Variants in CDKAL1 observed in about 807,000 individuals in gnomAD.
CDKAL1 encodes the protein threonylcarbamoyladenosine tRNA methylthiotransferase.
Under a neutral mutation model 68.2 loss-of-function variants are expected in CDKAL1, and 32 were observed. The observed-to-expected ratio is 0.47, with a 90% confidence interval of 0.35 to 0.63. The LOEUF (loss-of-function observed/expected upper bound fraction) is 0.63. Ranked by LOEUF, CDKAL1 falls within the 30% of genes least tolerant of loss-of-function variation. The pLI, the probability that CDKAL1 is intolerant of heterozygous loss-of-function variation, is 0.00. For missense variants in CDKAL1, 606 were observed against 696.7 expected (o/e 0.87, Z 1.47); for synonymous variants, 234 against 244.3 (o/e 0.96, Z 0.39).
chr6:21,161,645 A>G (rs1000738851), intron 13 of CDKAL1, among the ~76,000 whole-genome samples: 1 of 152,216 alleles, frequency 6.6e-6, no homozygotes, highest in African/African-American at 2.4e-5. Flanking sequence ...ATTTTTAACT[A>G]TACACATAAA....
At chr6:20,912,675 T>G (rs567555748) in intron 9 of CDKAL1, among the ~76,000 whole-genome samples, 1 of 152,166 alleles carries the variant, frequency 6.6e-6, no homozygotes. Context: ...GTGTTAATCT[T>G]TTAACAGAAT....
intron 8 of CDKAL1, among the ~76,000 whole-genome samples, chr6:20,845,838 T>C (rs995794853): frequency 1.3e-5 from 2 of 152,248 alleles, no homozygotes; most frequent in South Asian, 2.1e-4. Flanking sequence ...TTTTAGATAA[T>C]GTGTGATTTG....
At chr6:20,575,509 T>C (rs928532956) in intron 4 of CDKAL1, among the ~76,000 whole-genome samples, 3 of 151,426 alleles carry the variant, frequency 2.0e-5, no homozygotes, top group African/African-American at 7.3e-5. Context: ...TTTAATTTTA[T>C]AACATAGCCA....
chr6:21,200,804 T>C (rs1211143737), intron 14 of CDKAL1: 2 of 199,024 alleles, frequency 1.0e-5, no homozygotes, highest in African/African-American at 4.7e-5. Context: ...TGCAGACCCT[T>C]GAGCAGCTAG....
chr6:21,093,673 C>T (rs1773160175), intron 12 of CDKAL1, among the ~76,000 whole-genome samples: 1 of 145,392 alleles, frequency 6.9e-6, no homozygotes, highest in Admixed American at 6.9e-5. Flanking sequence ...ACATAGATAA[C>T]CAACTGAGCT....
At chr6:20,944,027 A>G (rs1437134072) in intron 9 of CDKAL1, among the ~76,000 whole-genome samples, 1 of 152,224 alleles carries the variant, frequency 6.6e-6, no homozygotes, top group African/African-American at 2.4e-5. Flanking sequence ...GTCTCCATAG[A>G]CAGCCCTCTC....
At chr6:20,952,711 T>A (rs925039319) in intron 9 of CDKAL1, among the ~76,000 whole-genome samples, 3 of 152,216 alleles carry the variant, frequency 2.0e-5, no homozygotes, top group Non-Finnish European at 4.4e-5. Flanking sequence ...TAAGCATGTG[T>A]CCCAATGTGT....
At chr6:21,177,074 T>A (rs562362454) in intron 13 of CDKAL1, among the ~76,000 whole-genome samples, 12 of 152,258 alleles carry the variant, frequency 7.9e-5, no homozygotes, top group Non-Finnish European at 1.6e-4. Context: ...AATCCACAAC[T>A]CTGCTATTCA....
At chr6:20,974,148 CT>C (rs1765729832) in intron 10 of CDKAL1, among the ~76,000 whole-genome samples, 1 of 152,190 alleles carries the variant, frequency 6.6e-6, no homozygotes, top group Non-Finnish European at 1.5e-5. Flanking sequence ...TGCCTTCCCT[CT>C]CTAGGTCTAA....
intron 9 of CDKAL1, among the ~76,000 whole-genome samples, chr6:20,880,623 T>G (rs1212634463): frequency 6.6e-6 from 1 of 152,160 alleles, no homozygotes; most frequent in Non-Finnish European, 1.5e-5. Flanking sequence ...TATATCATAA[T>G]ACTGTTCTTT....
chr6:20,939,191 A>C (rs1452808238), intron 9 of CDKAL1, among the ~76,000 whole-genome samples: 1 of 152,186 alleles, frequency 6.6e-6, no homozygotes, highest in Non-Finnish European at 1.5e-5. Context: ...CACAGTAAAC[A>C]TAATTAGAAG....
At chr6:20,668,482 C>CT (rs1769656483) in intron 5 of CDKAL1, among the ~76,000 whole-genome samples, 2 of 152,124 alleles carry the variant, frequency 1.3e-5, no homozygotes, top group African/African-American at 2.4e-5. Flanking sequence ...CAGGCATGTG[C>CT]TACTGCGCCA....
At chr6:21,198,940 C>T (rs1778577834) in intron 14 of CDKAL1, among the ~76,000 whole-genome samples, 1 of 152,200 alleles carries the variant, frequency 6.6e-6, no homozygotes, top group Non-Finnish European at 1.5e-5. Flanking sequence ...TGGGATACGC[C>T]CTCCTCTCCC....
intron 4 of CDKAL1, among the ~76,000 whole-genome samples, chr6:20,588,820 T>C (rs1171460325): frequency 6.6e-6 from 1 of 152,184 alleles, no homozygotes; most frequent in Non-Finnish European, 1.5e-5. Flanking sequence ...GATATTACAG[T>C]CCTAAAAATG....
intron 4 of CDKAL1, among the ~76,000 whole-genome samples, chr6:20,575,441 C>CAAAAAAAAAAA (rs57442477): frequency 3.2e-5 from 3 of 94,332 alleles, no homozygotes; most frequent in Admixed American, 2.4e-4. Flanking sequence ...AGGGGCACCA[C>CAAAAAAAAAAA]AAAAAAAAAA....
At chr6:21,159,565 G>A (rs1301022383) in intron 13 of CDKAL1, among the ~76,000 whole-genome samples, 1 of 152,224 alleles carries the variant, frequency 6.6e-6, no homozygotes, top group Non-Finnish European at 1.5e-5. Context: ...GTAAGTTCCA[G>A]AAGGGCAGAG....
intron 8 of CDKAL1, among the ~76,000 whole-genome samples, chr6:20,835,299 G>A (rs1777885441): frequency 6.6e-6 from 1 of 152,056 alleles, no homozygotes; most frequent in African/African-American, 2.4e-5. Flanking sequence ...CCTCAATAAA[G>A]CGAAGATTAT....
chr6:20,934,900 A>ATTTT (rs35030815), intron 9 of CDKAL1, among the ~76,000 whole-genome samples: 1 of 136,650 alleles, frequency 7.3e-6, no homozygotes, highest in Non-Finnish European at 1.6e-5. Flanking sequence ...CGCCTTATAC[A>ATTTT]TTTTTTTTTT....
At chr6:21,181,454 C>T (rs1374266895) in intron 13 of CDKAL1, among the ~76,000 whole-genome samples, 1 of 152,188 alleles carries the variant, frequency 6.6e-6, no homozygotes, top group Non-Finnish European at 1.5e-5. Flanking sequence ...GCTGTCCTCC[C>T]TCTATTGCCT....
Sources: allele counts gnomAD v4.1 joint callset (sites outside exome capture counted in the v4.1 genomes callset), GRCh38; gene constraint gnomAD v4.1.1; transcripts MANE v1.5; gene names NCBI Gene and HGNC (gene_info 2026-07-23, HGNC 2026-07-21).